The following ACMSD variants were observed in gnomAD, a reference collection of about 807,000 sequenced individuals.
The protein encoded by ACMSD is 2-amino-3-carboxymuconate-6-semialdehyde decarboxylase.
In ACMSD, 37 loss-of-function variants were observed where a neutral mutation model predicts 45.9. That is an observed-to-expected ratio of 0.81 (90% CI 0.62 to 1.06). The LOEUF (loss-of-function observed/expected upper bound fraction) is 1.06, where lower values mean the gene tolerates loss of function less well. Ranked by LOEUF, ACMSD falls within the 50% of genes least tolerant of loss-of-function variation. The pLI, the probability that ACMSD is intolerant of heterozygous loss-of-function variation, is 0.00. For synonymous variants in ACMSD, 138 were observed against 148.8 expected (o/e 0.93, Z 0.53); for missense variants, 434 against 420.9 (o/e 1.03, Z -0.27).
At chr2:134,854,097 AT>A (rs1687472662) in intron 2 of ACMSD, among the ~76,000 whole-genome samples, 1 of 152,110 alleles carries the variant, frequency 6.6e-6, no homozygotes, top group Non-Finnish European at 1.5e-5. Flanking sequence ...TAAATAATCT[AT>A]TGCAGCTTTA....
In ACMSD at chr2:134,860,587, G is replaced by C. The variant is rs146777103; in HGVS notation, c.199+1230G>C. ...ATTGTAAGAAGTTCAAATATACAAAGAGATGGCAGGAGACATTTTATTCCA... is the reference window on the plus strand; with the variant it reads ...ATTGTAAGAAGTTCAAATATACAAACAGATGGCAGGAGACATTTTATTCCA... On this transcript the variant is annotated intron_variant, in intron 3 of 9. Coordinates refer to ENST00000356140, the MANE Select transcript of ACMSD (RefSeq NM_138326.3). Among the ~76,000 whole-genome samples the C allele has an allele frequency of 9.2e-5, 14 of 152,268 alleles. No individual in the cohort carries two copies. The East Asian group carries it at 2.7e-3, about 29-fold the overall frequency.
At chr2:134,855,039 CT>C (rs5834430) in intron 2 of ACMSD, among the ~76,000 whole-genome samples, 4 of 150,594 alleles carry the variant, frequency 2.7e-5, no homozygotes, top group Admixed American at 1.3e-4. Context: ...TGTTTCTCAA[CT>C]TTTTTTTTTC....
At chr2:134,855,442 C>T (rs1278839503) in intron 2 of ACMSD, among the ~76,000 whole-genome samples, 7 of 152,162 alleles carry the variant, frequency 4.6e-5, no homozygotes, top group Non-Finnish European at 5.9e-5. Context: ...TTTTGCATCA[C>T]GTAATGCAAA....
intron 8 of ACMSD, among the ~76,000 whole-genome samples, chr2:134,878,833 T>G (rs774640284): frequency 6.6e-6 from 1 of 152,196 alleles, no homozygotes. Context: ...CAAATGAGTC[T>G]TTCATGAATC....
At chr2:134,875,235 G>T (rs1688673556) in intron 8 of ACMSD, among the ~76,000 whole-genome samples, 1 of 152,044 alleles carries the variant, frequency 6.6e-6, no homozygotes, top group African/African-American at 2.4e-5. Flanking sequence ...TCAGCAATCT[G>T]CCTGCCTCAA....
chr2:134,887,359 T>C (rs968317441), intron 8 of ACMSD, among the ~76,000 whole-genome samples: 3 of 152,140 alleles, frequency 2.0e-5, no homozygotes, highest in East Asian at 1.9e-4. Context: ...GAAAGACAAA[T>C]AGATTAATGG....
intron 8 of ACMSD, among the ~76,000 whole-genome samples, chr2:134,884,945 T>C (rs949603445): frequency 5.3e-5 from 8 of 151,366 alleles, no homozygotes; most frequent in African/African-American, 2.0e-4. Context: ...CCAGTAATCC[T>C]AGCACTTTGG....
intron 8 of ACMSD, among the ~76,000 whole-genome samples, chr2:134,894,693 A>G (rs1353313809): frequency 6.6e-6 from 1 of 152,186 alleles, no homozygotes; most frequent in Non-Finnish European, 1.5e-5. Context: ...GAAAGGCTCT[A>G]TTCTCATCAC....
intron 8 of ACMSD, among the ~76,000 whole-genome samples, chr2:134,891,003 C>A (rs1040774401): frequency 1.3e-5 from 2 of 151,780 alleles, no homozygotes. Context: ...TTGCTGAGTT[C>A]TTTGAGCTCC....
chr2:134,876,856 A>G (rs1688761235), intron 8 of ACMSD, among the ~76,000 whole-genome samples: 1 of 152,088 alleles, frequency 6.6e-6, no homozygotes, highest in Non-Finnish European at 1.5e-5. Context: ...ATCTCAGCTC[A>G]CTGCAGCCTC....
chr2:134,852,793 G>A lies in ACMSD; in HGVS notation c.103-6468G>A, dbSNP rs145541389. 4.6e-5 allele frequency among the ~76,000 whole-genome samples: 7 copies of A among 152,262 alleles called. No homozygotes were observed. In the East Asian group the frequency reaches 1.4e-3, roughly 29 times the overall value. On this transcript the variant is annotated intron_variant, in intron 2 of 9. Coordinates refer to ENST00000356140, the MANE Select transcript of ACMSD (RefSeq NM_138326.3). The stretch of plus-strand genomic sequence containing the variant: ...CCCAACCAGCATGGCAGCTGGTGTG[G>A]TCTGGAGGGATTGCTCGAGTGGGCA...
intron 8 of ACMSD, among the ~76,000 whole-genome samples, chr2:134,881,005 CTTTAT>C (rs1689007372): frequency 6.6e-6 from 1 of 152,106 alleles, no homozygotes; most frequent in Admixed American, 6.6e-5. Context: ...TATTCACTTT[CTTTAT>C]TTATTTAGAG....
intron 4 of ACMSD, among the ~76,000 whole-genome samples, chr2:134,862,613 C>T (rs1276339987): frequency 1.3e-5 from 2 of 152,164 alleles, no homozygotes; most frequent in African/African-American, 4.8e-5. Flanking sequence ...GAAATATCAC[C>T]TGTTCATACA....
At chr2:134,891,353 G>T (rs1437687630) in intron 8 of ACMSD, among the ~76,000 whole-genome samples, 1 of 151,906 alleles carries the variant, frequency 6.6e-6, no homozygotes, top group Non-Finnish European at 1.5e-5. Flanking sequence ...TTTTGTATGT[G>T]GCAATCCAAT....
intron 5 of ACMSD, among the ~76,000 whole-genome samples, chr2:134,865,549 C>T (rs1249609498): frequency 6.6e-6 from 1 of 152,188 alleles, no homozygotes; most frequent in African/African-American, 2.4e-5. Flanking sequence ...GATTCAGGAG[C>T]ACATCCTGTC....
intron 8 of ACMSD, among the ~76,000 whole-genome samples, chr2:134,889,101 T>C (rs1689626780): frequency 2.0e-5 from 3 of 152,200 alleles, no homozygotes; most frequent in South Asian, 2.1e-4. Flanking sequence ...TCTAGGCTCA[T>C]GCAAATGAAG....
chr2:134,881,451 T>C (rs1307299288), intron 8 of ACMSD, among the ~76,000 whole-genome samples: 1 of 152,212 alleles, frequency 6.6e-6, no homozygotes, highest in Admixed American at 6.5e-5. Context: ...GTCTTGGGCA[T>C]TTGATCTGTG....
In ACMSD at chr2:134,840,188, AAAAAAC is replaced by A. The variant is rs1319684840; in HGVS notation, c.57+1450_57+1455del. 5.5e-4 allele frequency among the ~76,000 whole-genome samples: 75 copies of A among 136,258 alleles called. 5 individuals are homozygous for A. The highest frequency in any genetic ancestry group is 8.7e-4 in the Admixed American group (11 of 12,640). The allele number at this position is 136,258 out of a possible 152,430, so 89.4% of individuals were successfully genotyped here. A position where few individuals can be genotyped will look rare whatever the true frequency, so the allele number is the denominator to read the frequency against. On this transcript the variant is annotated intron_variant, in intron 1 of 9. Transcript: ENST00000356140. ...CTAGCAAAAAAAAAAAAAAAAAAAA[AAAAAAC>A]CACTAATTCCTCTGTTACAGCTTTT...
intron 8 of ACMSD, among the ~76,000 whole-genome samples, chr2:134,875,549 T>C (rs983539140): frequency 2.6e-5 from 4 of 152,218 alleles, no homozygotes; most frequent in African/African-American, 9.6e-5. Flanking sequence ...CTTCCACCTC[T>C]AAAATTCTTT....
Sources: allele counts gnomAD v4.1 joint callset (sites outside exome capture counted in the v4.1 genomes callset), GRCh38; gene constraint gnomAD v4.1.1; transcripts MANE v1.5; gene names NCBI Gene and HGNC (gene_info 2026-07-23, HGNC 2026-07-21).